The following LRGUK variants were observed in gnomAD, a reference collection of about 807,000 sequenced individuals.
The protein encoded by LRGUK is leucine rich repeats and guanylate kinase domain containing, also known as leucine-rich repeat and guanylate kinase domain-containing protein.
Under a neutral mutation model 76.0 loss-of-function variants are expected in LRGUK, and 65 were observed. The observed-to-expected ratio is 0.85, with a 90% CI of 0.70 to 1.05. LRGUK has a LOEUF of 1.05. Among genes scored for constraint, LRGUK ranks in the 50% least tolerant of loss-of-function variants. The pLI is 0.00. For missense variants in LRGUK, 758 were observed against 732.8 expected (o/e 1.03, Z -0.40); for synonymous variants, 268 against 265.6 (o/e 1.01, Z -0.09).
intron 7 of LRGUK, among the ~76,000 whole-genome samples, chr7:134,167,758 C>G (rs1799058073): frequency 6.6e-6 from 1 of 152,186 alleles, no homozygotes; most frequent in Non-Finnish European, 1.5e-5. Flanking sequence ...CTGCTGGAAG[C>G]TTTTCCCCAC....
At chr7:134,250,791 T>C (rs1458407016) in intron 18 of LRGUK, among the ~76,000 whole-genome samples, 1 of 152,162 alleles carries the variant, frequency 6.6e-6, no homozygotes, top group Non-Finnish European at 1.5e-5. Context: ...GGTAGGCAGA[T>C]GGGAATACAG....
At chr7:134,263,721 A>T in intron 19 of LRGUK, 124 bp from the exon 20 acceptor site, 1 of 926,908 alleles carries the variant, frequency 1.1e-6, no homozygotes, top group South Asian at 2.8e-5. Flanking sequence ...GGCCTCATTT[A>T]TTTCTTATAG....
At chr7:134,264,284 C>T (rs916580099) in exon 20 of LRGUK, 39 of 204,442 alleles carry the variant, frequency 1.9e-4, no homozygotes, top group African/African-American at 9.0e-4. Context: ...TTTTTTCCAC[C>T]TGCTCCCTGC....
At chr7:134,140,948 A>AT (rs111303138) in intron 3 of LRGUK, among the ~76,000 whole-genome samples, 10 of 152,306 alleles carry the variant, frequency 6.6e-5, no homozygotes, top group African/African-American at 2.4e-4. Flanking sequence ...TTAGATGGTC[A>AT]TCTCATCAGA....
intron 5 of LRGUK, among the ~76,000 whole-genome samples, chr7:134,148,853 T>G (rs376218597): frequency 4.0e-4 from 60 of 151,896 alleles, no homozygotes; most frequent in East Asian, 2.7e-3. Context: ...AAGTGGAGGT[T>G]GTAGTGAGCC....
intron 6 of LRGUK, among the ~76,000 whole-genome samples, chr7:134,162,681 G>A (rs1401347885): frequency 1.3e-5 from 2 of 152,032 alleles, no homozygotes; most frequent in Admixed American, 6.6e-5. Context: ...ACAAAAATTA[G>A]CCAGGCATGG....
chr7:134,215,803 T>C (rs1801421815), intron 15 of LRGUK, among the ~76,000 whole-genome samples: 1 of 152,122 alleles, frequency 6.6e-6, no homozygotes, highest in Non-Finnish European at 1.5e-5. Context: ...AAGACATAAT[T>C]CTAGAAATCA....
At chr7:134,267,754 G>A (rs1585617013), downstream of LRGUK, among the ~76,000 whole-genome samples, 5 of 152,172 alleles carry the variant, frequency 3.3e-5, no homozygotes, top group South Asian at 1.0e-3. Context: ...TCTACGGTAT[G>A]TCTTTATCAG....
chr7:134,149,820 G>C (rs1798131192), intron 5 of LRGUK, among the ~76,000 whole-genome samples: 1 of 152,102 alleles, frequency 6.6e-6, no homozygotes, highest in South Asian at 2.1e-4. Flanking sequence ...TTTATCTCAG[G>C]CTGTGTAGAG....
intron 1 of LRGUK, among the ~76,000 whole-genome samples, chr7:134,131,151 C>G (rs570607926): frequency 2.0e-5 from 3 of 152,174 alleles, no homozygotes; most frequent in Non-Finnish European, 2.9e-5. Flanking sequence ...GCATGAAAAA[C>G]ACTTCTTTTC....
At chr7:134,251,561 C>T (rs1486951129) in intron 18 of LRGUK, among the ~76,000 whole-genome samples, 2 of 152,148 alleles carry the variant, frequency 1.3e-5, no homozygotes, top group Admixed American at 1.3e-4. Flanking sequence ...TATAAAAATC[C>T]AGTGAAATTT....
At chr7:134,263,731 G>T (rs1359682584) in intron 19 of LRGUK, 114 bp from the exon 20 acceptor site, 1 of 982,368 alleles carries the variant, frequency 1.0e-6, no homozygotes, top group Non-Finnish European at 1.4e-6. Context: ...ATTTCTTATA[G>T]TTTGTCATGA....
chr7:134,240,571 G>A (rs925053195), intron 16 of LRGUK, among the ~76,000 whole-genome samples: 7 of 152,146 alleles, frequency 4.6e-5, no homozygotes, highest in South Asian at 2.1e-4. Flanking sequence ...CCAAATCTAC[G>A]TCTGACTGGT....
rs773585494 is a variant in LRGUK, at chr7:134,199,340, G to A, written c.1666G>A (p.Glu556Lys). 171 of 1,613,798 alleles carry A rather than the reference G, an allele frequency of 1.1e-4. 1 individual carries two copies. In the Admixed American group the frequency reaches 2.8e-3, roughly 26 times the overall value. The change falls in exon 14 of 16, where the codon GAA becomes AAA. Residue 556 changes from glutamate (E) to lysine (K), a missense_variant. Transcript: ENST00000645682. Reference sequence around the variant, plus strand: ...AGGATTATTCAGTCGTGCAGAAATTGAATTTGCTGTCTCCAGAGTGGACCT... The same window carrying A: ...AGGATTATTCAGTCGTGCAGAAATTAAATTTGCTGTCTCCAGAGTGGACCT...
exon 19 of LRGUK, chr7:134,258,340 A>G (rs765422772): frequency 1.2e-6 from 2 of 1,613,964 alleles, no homozygotes; most frequent in Non-Finnish European, 1.7e-6. Flanking sequence ...CAGCCTCCGG[A>G]GGGGAGCATT....
intron 16 of LRGUK, among the ~76,000 whole-genome samples, chr7:134,246,515 G>A (rs1056502904): frequency 6.6e-6 from 1 of 152,214 alleles, no homozygotes; most frequent in Non-Finnish European, 1.5e-5. Flanking sequence ...TAGCCCCCAA[G>A]GCTAAGACAG....
intron 13 of LRGUK, among the ~76,000 whole-genome samples, chr7:134,197,684 T>C (rs958889680): frequency 9.2e-5 from 14 of 152,186 alleles, no homozygotes; most frequent in Admixed American, 2.6e-4. Context: ...TTTAGACCTG[T>C]AGATGTCAGG....
chr7:134,139,264 T>A (rs1411570791), intron 2 of LRGUK, among the ~76,000 whole-genome samples, 172 bp from the exon 3 acceptor site: 1 of 152,190 alleles, frequency 6.6e-6, no homozygotes, highest in Non-Finnish European at 1.5e-5. Context: ...GCTTTTTTTT[T>A]ATGGCATCTG....
intron 15 of LRGUK, among the ~76,000 whole-genome samples, chr7:134,202,742 T>A (rs1018733746): frequency 4.6e-5 from 7 of 152,150 alleles, no homozygotes; most frequent in African/African-American, 1.4e-4. Flanking sequence ...TCTAGAGTAG[T>A]CAATTCATAG....
Sources: gnomAD v4.1 joint callset for allele counts (sites outside exome capture counted in the v4.1 genomes callset) on GRCh38, gnomAD v4.1.1 for gene constraint, MANE v1.5 for transcripts, NCBI Gene and HGNC (gene_info 2026-07-23, HGNC 2026-07-21) for gene names.